The following NRG3 variants were observed in gnomAD, a reference collection of about 807,000 sequenced individuals.
NRG3 encodes pro-neuregulin-3, membrane-bound isoform.
In NRG3, 31 loss-of-function variants were observed where a neutral mutation model predicts 66.9. The ratio of observed to expected loss-of-function variants is 0.46; its 90% CI spans 0.35 to 0.63. NRG3 has a LOEUF of 0.63. Among genes scored for constraint, NRG3 ranks in the 20% least tolerant of loss-of-function variants. The pLI, the probability that NRG3 is intolerant of heterozygous loss-of-function variation, is 0.00. For synonymous variants in NRG3, 393 were observed against 359.4 expected (o/e 1.09, Z -1.06); for missense variants, 910 against 878.9 (o/e 1.04, Z -0.45).
chr10:82,568,098 A>C (rs1284393494), intron 2 of NRG3, among the ~76,000 whole-genome samples: 2 of 152,062 alleles, frequency 1.3e-5, no homozygotes, highest in East Asian at 3.9e-4. Flanking sequence ...ACATTAAAAC[A>C]TCATGGCACA....
intron 1 of NRG3, among the ~76,000 whole-genome samples, chr10:81,900,096 G>C (rs566774261): frequency 1.3e-5 from 2 of 152,018 alleles, no homozygotes; most frequent in Non-Finnish European, 2.9e-5. Flanking sequence ...GCAGGCGCCT[G>C]CCACCATGCC....
rs566703044 is a variant in NRG3 at position 82,674,314 on chromosome 10, G to A, written c.954-64263G>A. Reference sequence around the variant, plus strand: ...TTACTACATAAACTTTCCACACTATGTATTTTTTCATATTGCCTCATTTTT... The same window carrying A: ...TTACTACATAAACTTTCCACACTATATATTTTTTCATATTGCCTCATTTTT... On this transcript the variant is annotated intron_variant, in intron 2 of 8. Coordinates refer to ENST00000372141, the MANE Select transcript of NRG3 (RefSeq NM_001010848.4). Among the ~76,000 whole-genome samples, 14 of 152,212 alleles carry A rather than the reference G, an allele frequency of 9.2e-5. No individual in the cohort carries two copies. The South Asian group carries it at 2.7e-3, about 29-fold the overall frequency.
At chr10:82,981,828 T>C (rs1333150002) in intron 8 of NRG3, among the ~76,000 whole-genome samples, 1 of 152,180 alleles carries the variant, frequency 6.6e-6, no homozygotes, top group African/African-American at 2.4e-5. Flanking sequence ...TGTATTCATA[T>C]GCCAGACAAA....
chr10:82,269,204 A>C (rs929177945), intron 1 of NRG3, among the ~76,000 whole-genome samples: 1 of 151,652 alleles, frequency 6.6e-6, no homozygotes, highest in African/African-American at 2.4e-5. Context: ...TTCTTTCTTT[A>C]TTTTTCAGTT....
At chr10:82,665,292 T>C (rs2052676480) in intron 2 of NRG3, among the ~76,000 whole-genome samples, 1 of 152,232 alleles carries the variant, frequency 6.6e-6, no homozygotes, top group African/African-American at 2.4e-5. Flanking sequence ...AACAATAGTG[T>C]TATTCTTTGA....
At position 82,204,857 on chromosome 10, in the gene NRG3, G is replaced by T. The variant is rs140704377; in HGVS notation, c.824-153882G>T. Among the ~76,000 whole-genome samples the T allele has an allele frequency of 5.5e-3, 842 of 152,250 alleles. 9 individuals are homozygous for T. The highest frequency in any genetic ancestry group is 0.019 in the African/African-American group (805 of 41,526). On this transcript the variant is annotated intron_variant, in intron 1 of 8. Coordinates refer to ENST00000372141, the MANE Select transcript of NRG3 (RefSeq NM_001010848.4). Reference sequence around the variant, plus strand: ...TGTGATGCTATCATTTTAAACACATGCTCTCTAAGGTTGCTGCAGAAGTGG... The same window carrying T: ...TGTGATGCTATCATTTTAAACACATTCTCTCTAAGGTTGCTGCAGAAGTGG...
intron 3 of NRG3, among the ~76,000 whole-genome samples, chr10:82,782,751 G>A (rs1218218671): frequency 6.6e-6 from 1 of 152,100 alleles, no homozygotes; most frequent in East Asian, 1.9e-4. Flanking sequence ...AGGACCAGAT[G>A]GATTCACAGC....
At chr10:82,299,114 G>C (rs1290235286) in intron 1 of NRG3, among the ~76,000 whole-genome samples, 1 of 152,138 alleles carries the variant, frequency 6.6e-6, no homozygotes, top group Non-Finnish European at 1.5e-5. Flanking sequence ...GGTTTAAAAT[G>C]ATGGGTCAGC....
intron 2 of NRG3, among the ~76,000 whole-genome samples, chr10:82,456,707 T>C (rs1236441312): frequency 6.6e-6 from 1 of 151,984 alleles, no homozygotes; most frequent in Non-Finnish European, 1.5e-5. Flanking sequence ...ATTTAATACA[T>C]AGAAACAAAA....
chr10:82,947,484 A>G (rs1849129934), intron 4 of NRG3, among the ~76,000 whole-genome samples: 1 of 152,090 alleles, frequency 6.6e-6, no homozygotes, highest in Non-Finnish European at 1.5e-5. Flanking sequence ...ATCATAAAGT[A>G]GGTATATTTT....
chr10:82,367,744 CAGAA>C (rs2084635355), intron 2 of NRG3, among the ~76,000 whole-genome samples: 1 of 151,992 alleles, frequency 6.6e-6, no homozygotes, highest in Non-Finnish European at 1.5e-5. Flanking sequence ...CTTGTAATCC[CAGAA>C]CTTAGGAGGC....
rs139087864 is a variant in NRG3, at chr10:82,232,676, G to A, written c.824-126063G>A. ...TTTGTATACATTTATGAGACAATCG[G>A]CCAGATGGGGCTACAAGAGGAGACA... On this transcript the variant is annotated intron_variant, in intron 1 of 8. Transcript: ENST00000372141. 5 of 703,844 alleles carry A rather than the reference G, an allele frequency of 7.1e-6. No homozygotes were observed. The East Asian group carries it at 1.3e-4, about 19-fold the overall frequency. 43.6% of individuals were successfully genotyped at this position (703,844 alleles called of 1,614,324 possible).
At chr10:82,135,883 G>C (rs1279330397) in intron 1 of NRG3, among the ~76,000 whole-genome samples, 1 of 152,100 alleles carries the variant, frequency 6.6e-6, no homozygotes, top group Non-Finnish European at 1.5e-5. Context: ...TTCCTGAATG[G>C]TCTTGATGCT....
chr10:82,856,301 C>T (rs1035367862), intron 3 of NRG3, among the ~76,000 whole-genome samples: 1 of 152,026 alleles, frequency 6.6e-6, no homozygotes, highest in Non-Finnish European at 1.5e-5. Context: ...AAACAACTAC[C>T]CTTCAGTCCT....
At chr10:82,517,853 A>C (rs759539854) in intron 2 of NRG3, among the ~76,000 whole-genome samples, 2 of 152,148 alleles carry the variant, frequency 1.3e-5, no homozygotes. Flanking sequence ...TTAGCTCATA[A>C]TCAATATTTT....
At chr10:82,485,821 T>G (rs1842637101) in intron 2 of NRG3, among the ~76,000 whole-genome samples, 1 of 151,960 alleles carries the variant, frequency 6.6e-6, no homozygotes, top group African/African-American at 2.4e-5. Flanking sequence ...TGGTGAGGCT[T>G]CTGTACAGAA....
At chr10:82,352,056 T>C (rs1290642862) in intron 1 of NRG3, among the ~76,000 whole-genome samples, 11 of 152,210 alleles carry the variant, frequency 7.2e-5, no homozygotes, top group African/African-American at 2.4e-4. Context: ...TATGGATATA[T>C]TGAAAATCTC....
At chr10:82,283,593 C>CT (rs2079242208) in intron 1 of NRG3, among the ~76,000 whole-genome samples, 1 of 152,134 alleles carries the variant, frequency 6.6e-6, no homozygotes, top group Non-Finnish European at 1.5e-5. Context: ...CATGCACACA[C>CT]TTATCAACAG....
intron 3 of NRG3, among the ~76,000 whole-genome samples, chr10:82,848,580 T>C (rs1322884752): frequency 4.6e-5 from 7 of 152,170 alleles, no homozygotes; most frequent in Non-Finnish European, 1.0e-4. Flanking sequence ...GTAAAGACTT[T>C]GGGAGACTGT....
Sources: allele counts gnomAD v4.1 joint callset (sites outside exome capture counted in the v4.1 genomes callset), GRCh38; gene constraint gnomAD v4.1.1; transcripts MANE v1.5; gene names NCBI Gene and HGNC (gene_info 2026-07-23, HGNC 2026-07-21).